The following SPAG16 variants were observed in gnomAD, a reference collection of about 807,000 sequenced individuals.
SPAG16 encodes sperm-associated antigen 16 protein.
Under a neutral mutation model 80.4 loss-of-function variants are expected in SPAG16, and 86 were observed. The ratio of observed to expected loss-of-function variants is 1.07; its 90% CI spans 0.90 to 1.28. The LOEUF (loss-of-function observed/expected upper bound fraction) is 1.28, where lower values mean the gene tolerates loss of function less well. Ranked by LOEUF, SPAG16 falls within the 50% of genes most tolerant of loss-of-function variation. SPAG16 has a pLI of 0.00. For synonymous variants in SPAG16, 294 were observed against 265.9 expected, an observed-to-expected ratio of 1.11 and a Z score of -1.03; for missense variants, 870 against 765.3, an observed-to-expected ratio of 1.14 and a Z score of -1.61.
chr2:213,514,636 G>A (rs920399419), intron 10 of SPAG16, among the ~76,000 whole-genome samples: 1 of 104,626 alleles, frequency 9.6e-6, no homozygotes, highest in Admixed American at 1.5e-4. Flanking sequence ...CCCCACCACA[G>A]TCCCCAGAGT....
At chr2:214,122,364 G>T (rs1189644879) in intron 14 of SPAG16, among the ~76,000 whole-genome samples, 1 of 151,744 alleles carries the variant, frequency 6.6e-6, no homozygotes, top group African/African-American at 2.4e-5. Flanking sequence ...TAGGTTAATT[G>T]CTTTTCCTAA....
rs79487019 is a variant in SPAG16, at chr2:214,367,572, A to G, written c.1721-42568A>G. On this transcript the variant is annotated intron_variant, in intron 15 of 15. Transcript: ENST00000331683. ...ATGTGTGATTGGAAGTAGCAGTTCTACAGGGAAAAGATGAAAACTCTCTGA... is the reference window on the plus strand; with the variant it reads ...ATGTGTGATTGGAAGTAGCAGTTCTGCAGGGAAAAGATGAAAACTCTCTGA... Among the ~76,000 whole-genome samples, 1,324 of 152,350 alleles carry G rather than the reference A, an allele frequency of 8.7e-3. 23 individuals are homozygous for G. Among genetic ancestry groups the G allele is most frequent in the African/African-American group, 0.03 (1,252 of 41,588 alleles).
chr2:214,087,375 A>G (rs2125295059), intron 13 of SPAG16, among the ~76,000 whole-genome samples: 1 of 152,300 alleles, frequency 6.6e-6, no homozygotes, highest in East Asian at 1.9e-4. Flanking sequence ...ATGACAATAA[A>G]CTATTAGCAA....
At chr2:213,950,721 T>C (rs2106322248) in intron 12 of SPAG16, among the ~76,000 whole-genome samples, 1 of 146,218 alleles carries the variant, frequency 6.8e-6, no homozygotes, top group South Asian at 2.2e-4. Context: ...TTTTTTTTTT[T>C]TTCCCTCAAG....
intron 10 of SPAG16, among the ~76,000 whole-genome samples, chr2:213,635,537 G>A (rs1298640476): frequency 6.6e-6 from 1 of 152,072 alleles, no homozygotes; most frequent in Non-Finnish European, 1.5e-5. Context: ...CACCAGCAGT[G>A]TAAAAGTGTT....
chr2:213,883,301 A>G (rs1033107673), intron 11 of SPAG16, among the ~76,000 whole-genome samples: 4 of 152,090 alleles, frequency 2.6e-5, no homozygotes, highest in Non-Finnish European at 4.4e-5. Context: ...AAATTTCCAT[A>G]TATTTGTGTA....
At chr2:214,192,916 A>T (rs2057707541) in intron 15 of SPAG16, among the ~76,000 whole-genome samples, 1 of 152,106 alleles carries the variant, frequency 6.6e-6, no homozygotes, top group African/African-American at 2.4e-5. Context: ...TATGCAAGAG[A>T]GAGCTTTTAA....
chr2:213,393,556 T>C (rs1166080934), intron 9 of SPAG16, among the ~76,000 whole-genome samples: 1 of 152,236 alleles, frequency 6.6e-6, no homozygotes, highest in East Asian at 1.9e-4. Flanking sequence ...TCAGTTGGTT[T>C]CCAATGTCTT....
chr2:213,307,051 CT>C (rs1372463823), intron 3 of SPAG16, among the ~76,000 whole-genome samples: 1 of 152,114 alleles, frequency 6.6e-6, no homozygotes, highest in Admixed American at 6.6e-5. Flanking sequence ...CCAAATTATT[CT>C]TTTTGAACTT....
At chr2:213,306,990 G>A (rs1254226019) in intron 3 of SPAG16, among the ~76,000 whole-genome samples, 2 of 152,136 alleles carry the variant, frequency 1.3e-5, no homozygotes, top group Non-Finnish European at 2.9e-5. Flanking sequence ...TGGTGTTCCT[G>A]CAGGGTTAAT....
At chr2:213,423,993 A>T (rs1478156552) in intron 9 of SPAG16, among the ~76,000 whole-genome samples, 1 of 152,222 alleles carries the variant, frequency 6.6e-6, no homozygotes, top group Non-Finnish European at 1.5e-5. Context: ...TGTACAGGTT[A>T]TTGAACTTTA....
intron 9 of SPAG16, among the ~76,000 whole-genome samples, chr2:213,388,415 A>G (rs1328119127): frequency 6.6e-6 from 1 of 152,158 alleles, no homozygotes; most frequent in Non-Finnish European, 1.5e-5. Context: ...TGGGGAGCCA[A>G]ACATTAAAGT....
intron 10 of SPAG16, among the ~76,000 whole-genome samples, chr2:213,492,413 G>A (rs1024716292): frequency 2.6e-5 from 4 of 152,002 alleles, no homozygotes; most frequent in South Asian, 2.1e-4. Flanking sequence ...AGCTGGGTGT[G>A]GTGGTGGGCG....
chr2:213,733,147 A>T (rs1192779265), intron 10 of SPAG16, among the ~76,000 whole-genome samples: 22 of 151,608 alleles, frequency 1.5e-4, no homozygotes, highest in Non-Finnish European at 4.4e-5. Flanking sequence ...GCTGTTTTTC[A>T]TATATTTATT....
In SPAG16 at chr2:213,606,799, T is replaced by A. The variant is rs553307635; in HGVS notation, c.1070+116709T>A. Reference sequence around the variant, plus strand: ...AATGAACCTTTCCCTAATTCTAGCATCATCCATACCTTCGGCAAAATGCAA... The same window carrying A: ...AATGAACCTTTCCCTAATTCTAGCAACATCCATACCTTCGGCAAAATGCAA... On this transcript the variant is annotated intron_variant, in intron 10 of 15. Transcript: ENST00000331683. 1.1e-4 allele frequency among the ~76,000 whole-genome samples: 17 copies of A among 152,330 alleles called. No homozygotes were observed. In the East Asian group the frequency reaches 3.3e-3, roughly 29 times the overall value.
chr2:214,049,975 G>C (rs963928037), intron 13 of SPAG16, among the ~76,000 whole-genome samples: 1 of 152,188 alleles, frequency 6.6e-6, no homozygotes, highest in Admixed American at 6.5e-5. Flanking sequence ...ATGTGTAACA[G>C]ATTTTATTGG....
intron 15 of SPAG16, among the ~76,000 whole-genome samples, chr2:214,153,507 C>T (rs909590528): frequency 7.2e-5 from 11 of 152,038 alleles, no homozygotes; most frequent in African/African-American, 1.4e-4. Context: ...TCTCTTGCCT[C>T]GGCGCCTGGG....
intron 15 of SPAG16, among the ~76,000 whole-genome samples, chr2:214,171,244 T>G (rs2056858215): frequency 6.6e-6 from 1 of 151,920 alleles, no homozygotes; most frequent in Non-Finnish European, 1.5e-5. Flanking sequence ...CCACCTTAGT[T>G]ACACTGGACC....
At chr2:213,932,877 G>A (rs1170182031) in intron 12 of SPAG16, among the ~76,000 whole-genome samples, 2 of 151,360 alleles carry the variant, frequency 1.3e-5, no homozygotes, top group Non-Finnish European at 2.9e-5. Context: ...ATAATTAACA[G>A]TAGCTTTTTT....
Sources: allele counts gnomAD v4.1 joint callset (sites outside exome capture counted in the v4.1 genomes callset), GRCh38; gene constraint gnomAD v4.1.1; transcripts MANE v1.5; gene names NCBI Gene and HGNC (gene_info 2026-07-23, HGNC 2026-07-21).